TBC1D1: variants seen among roughly 807,000 people sequenced by gnomAD.
The protein encoded by TBC1D1 is TBC1 (tre-2/USP6, BUB2, cdc16) domain family, member 1.
Under a neutral mutation model 125.6 loss-of-function variants are expected in TBC1D1, and 89 were observed. The ratio of observed to expected loss-of-function variants is 0.71; its 90% CI spans 0.60 to 0.85. The LOEUF (loss-of-function observed/expected upper bound fraction) is 0.85. Among genes scored for constraint, TBC1D1 ranks in the 40% least tolerant of loss-of-function variants. The probability of loss-of-function intolerance (pLI) is 0.00; values close to 1 mark genes in which losing one functional copy is unlikely to be tolerated. For missense variants in TBC1D1, 1,377 were observed against 1,469.2 expected (o/e 0.94, Z 1.03); for synonymous variants, 565 against 564.1 (o/e 1.00, Z -0.02).
chr4:38,034,428 T>C (rs1043381818), intron 7 of TBC1D1, among the ~76,000 whole-genome samples: 5 of 152,258 alleles, frequency 3.3e-5, no homozygotes, highest in African/African-American at 1.2e-4. Context: ...AATCATTAAC[T>C]ATCCTTTCCT....
chr4:37,941,722 T>C (rs1391680839), intron 2 of TBC1D1, among the ~76,000 whole-genome samples: 1 of 152,246 alleles, frequency 6.6e-6, no homozygotes, highest in African/African-American at 2.4e-5. Context: ...TGGTATGTTG[T>C]GTCTTTGTTC....
chr4:38,028,776 G>A (rs1263858152), intron 7 of TBC1D1, among the ~76,000 whole-genome samples: 1 of 152,140 alleles, frequency 6.6e-6, no homozygotes, highest in Non-Finnish European at 1.5e-5. Flanking sequence ...ACCTCTGCCC[G>A]CCCCTTCCCG....
chr4:38,105,034 C>T (rs568837339), intron 15 of TBC1D1, among the ~76,000 whole-genome samples: 4 of 152,240 alleles, frequency 2.6e-5, no homozygotes, highest in South Asian at 4.2e-4. Context: ...GGATTACAGG[C>T]GTGAGCCACC....
chr4:38,052,194 T>TGTGTGTGTGC lies in TBC1D1; in HGVS notation c.1911-2004_1911-2003insTGTGTGTGCG, dbSNP rs755025486. 9.0e-3 allele frequency: 5,207 copies of TGTGTGTGTGC among 579,316 alleles called. 13 individuals carry two copies. The highest frequency in any genetic ancestry group is 0.014 in the Admixed American group (394 of 28,232). The allele number at this position is 579,316 out of a possible 1,614,324, so 35.9% of individuals were successfully genotyped here. On this transcript the variant is annotated intron_variant, in intron 11 of 19. Transcript: ENST00000261439. Reference sequence around the variant, plus strand: ...GTGTGTGTGTGTGTGTGTGTGTGTGTGCGCGCGCGTGTGTGTCTTTGTTTA... The same window carrying TGTGTGTGTGC: ...GTGTGTGTGTGTGTGTGTGTGTGTGTGTGTGTGTGCGCGCGCGCGTGTGTGTCTTTGTTTA...
intron 12 of TBC1D1, among the ~76,000 whole-genome samples, chr4:38,065,849 C>A (rs1753638046): frequency 6.6e-6 from 1 of 152,102 alleles, no homozygotes; most frequent in East Asian, 1.9e-4. Flanking sequence ...AGGGTTTCGC[C>A]ATGTTGGGCA....
chr4:38,136,255 C>A (rs193197238), intron 19 of TBC1D1, among the ~76,000 whole-genome samples: 55 of 152,302 alleles, frequency 3.6e-4, no homozygotes, highest in Admixed American at 2.4e-3. Context: ...ATTTAACTAG[C>A]ATTAATTATG....
At chr4:38,064,135 A>G (rs188447560) in intron 12 of TBC1D1, among the ~76,000 whole-genome samples, 1 of 152,352 alleles carries the variant, frequency 6.6e-6, no homozygotes, top group East Asian at 1.9e-4. Flanking sequence ...TGTTTTCAAA[A>G]TTCATTATGT....
chr4:37,995,600 T>G lies in TBC1D1; in HGVS notation c.418-18909T>G. The G allele has an allele frequency of 2.1e-6, 1 of 475,518 alleles. No individual in the cohort carries two copies. The allele number at this position is 475,518 out of a possible 1,614,324, so 29.5% of individuals were successfully genotyped here. On this transcript the variant is annotated intron_variant, in intron 2 of 19. Transcript: ENST00000261439. This position sits in a 1 kb window ranked among gnomAD's most constrained non-coding sequence, Gnocchi z 4.3. ...CAGAAGGCCTTCAGGTCCAGTACCC[T>G]GGCCTTGACCTCCCCATAGGCTGTC...
Position 38,132,998 on chromosome 4 carries a change from G to A in TBC1D1, c.3133-86G>A, listed in dbSNP as rs1015625581. 3 of 1,174,192 alleles carry A rather than the reference G, an allele frequency of 2.6e-6. No individual in the cohort carries two copies. In the South Asian group the frequency reaches 4.5e-5, roughly 17 times the overall value. The allele number at this position is 1,174,192 out of a possible 1,614,324, so 72.7% of individuals were successfully genotyped here. ...AGCGTAGAGGAGACGCTTCACAGGT[G>A]CGCATTGTCGTGATTGCAGACGCCT... On this transcript the variant is annotated intron_variant, in intron 18 of 19. Transcript: ENST00000261439.
chr4:38,063,923 C>CTG (rs1753220041), intron 12 of TBC1D1, among the ~76,000 whole-genome samples: 1 of 152,216 alleles, frequency 6.6e-6, no homozygotes, highest in South Asian at 2.1e-4. Context: ...GCCCGACCCA[C>CTG]CGCAGTCTAA....
intron 8 of TBC1D1, among the ~76,000 whole-genome samples, chr4:38,042,556 T>A (rs2152467965): frequency 6.6e-6 from 1 of 152,228 alleles, no homozygotes; most frequent in Middle Eastern, 3.4e-3. Context: ...CACCTGGCCT[T>A]GGTATATGTG....
At chr4:38,111,425 AGATTAGTATTTATTT>A (rs1762181660) in intron 15 of TBC1D1, among the ~76,000 whole-genome samples, 1 of 152,286 alleles carries the variant, frequency 6.6e-6, no homozygotes, top group African/African-American at 2.4e-5. Context: ...ATTAAAACTG[AGATTAGTATTTATTT>A]GATTCGTATT....
chr4:38,044,623 G>T, intron 9 of TBC1D1, 133 bp downstream of exon 9: 2 of 926,674 alleles, frequency 2.2e-6, no homozygotes, highest in Non-Finnish European at 3.0e-6. Context: ...TGTTTTCTCA[G>T]GCTTATAACA....
chr4:37,989,578 T>C (rs972516692), intron 2 of TBC1D1, among the ~76,000 whole-genome samples: 2 of 152,258 alleles, frequency 1.3e-5, no homozygotes, highest in Non-Finnish European at 2.9e-5. Context: ...AGATTGATTC[T>C]TTTTGCTGAC....
At chr4:38,017,948 G>A (rs1743160109) in intron 3 of TBC1D1, among the ~76,000 whole-genome samples, 1 of 152,202 alleles carries the variant, frequency 6.6e-6, no homozygotes, top group African/African-American at 2.4e-5. Flanking sequence ...CATGTAATAT[G>A]TACTAAACAA....
At chr4:38,052,448 C>T (rs1750790188) in intron 11 of TBC1D1, among the ~76,000 whole-genome samples, 1 of 151,494 alleles carries the variant, frequency 6.6e-6, no homozygotes, top group African/African-American at 2.4e-5. Context: ...TCTCCTGCCT[C>T]AGCCTCCCGA....
rs527498443 is a variant in TBC1D1, at chr4:37,893,215, T to C, written c.-94+1867T>C. Among the ~76,000 whole-genome samples, 6 of 152,318 alleles carry C rather than the reference T, an allele frequency of 3.9e-5. No individual in the cohort carries two copies. In the South Asian group the frequency reaches 6.2e-4, roughly 16 times the overall value. On this transcript the variant is annotated intron_variant, in intron 1 of 19. Coordinates refer to ENST00000261439, the MANE Select transcript of TBC1D1 (RefSeq NM_015173.4). ...CTCAAGAGGATTCTGTCTTTGAACA[T>C]GCTTTTAATTTGATCTGACAGAATG...
At chr4:38,033,754 T>C (rs1240102098) in intron 7 of TBC1D1, among the ~76,000 whole-genome samples, 31 of 152,178 alleles carry the variant, frequency 2.0e-4, no homozygotes, top group Admixed American at 2.0e-3. Context: ...CTCTCCATAG[T>C]TTTGCCTTTT....
intron 15 of TBC1D1, chr4:38,111,922 T>TAGTG: frequency 1.0e-6 from 1 of 985,440 alleles, no homozygotes; most frequent in Non-Finnish European, 1.2e-6. Context: ...CCCAGCCTGG[T>TAGTG]AGTGAACCCA....
Sources: allele counts gnomAD v4.1 joint callset (sites outside exome capture counted in the v4.1 genomes callset), GRCh38; gene constraint gnomAD v4.1.1; non-coding constraint Gnocchi (gnomAD v3.1); transcripts MANE v1.5; gene names NCBI Gene and HGNC (gene_info 2026-07-23, HGNC 2026-07-21).